The following DSPP variants were observed in gnomAD, a reference collection of about 807,000 sequenced individuals.
DSPP encodes the protein dentin sialophosphoprotein, also known as deafness, autosomal dominant 39.
Under a neutral mutation model 29.1 loss-of-function variants are expected in DSPP, and 28 were observed. The ratio of observed to expected loss-of-function variants is 0.96; its 90% CI spans 0.71 to 1.32. DSPP has a LOEUF of 1.32. Among genes scored for constraint, DSPP ranks in the 40% most tolerant of loss-of-function variants. The probability of loss-of-function intolerance (pLI) is 0.00; values close to 1 mark genes in which losing one functional copy is unlikely to be tolerated. For missense variants in DSPP, 1,281 were observed against 1,629.9 expected (o/e 0.79, Z 3.69); for synonymous variants, 481 against 503.4 (o/e 0.96, Z 0.60).
chr4:87,611,030 A>AGT lies in DSPP; in HGVS notation c.51+103_51+104dup, dbSNP rs33940466. Reference sequence around the variant, plus strand: ...TTAACCTAACATTAATACAAAATGTAGTGTGTGTGTGTGTGTGTGTGTGTG... The same window carrying AGT: ...TTAACCTAACATTAATACAAAATGTAGTGTGTGTGTGTGTGTGTGTGTGTGTG... On this transcript the variant is annotated intron_variant, in intron 2 of 4. Transcript: ENST00000651931. 141,584 of 797,612 alleles carry AGT rather than the reference A, an allele frequency of 0.18. 2,661 individuals carry two copies. The highest frequency in any genetic ancestry group is 0.2 in the Middle Eastern group (745 of 3,810). The allele number at this position is 797,612 out of a possible 1,614,324, so 49.4% of individuals were successfully genotyped here.
In DSPP at chr4:87,616,181, T is replaced by A. The variant is rs372115078; in HGVS notation, c.3519T>A (p.Asp1173Glu). Residue 1173 changes from aspartate to glutamate, a missense_variant, in exon 5 of 5, where the codon GAT (aspartate) becomes GAA (glutamate). Around this residue, in one of 4 missense-constraint regions of DSPP, gnomAD observed 134 missense variants for 185.0 expected, o/e 0.72. Transcript: ENST00000651931. ...GCAGCGACAGCAGCGACAGCAGCGATAGCAGTGACAGCAGCAATAGCAGTG... is the reference window on the plus strand; with the variant it reads ...GCAGCGACAGCAGCGACAGCAGCGAAAGCAGTGACAGCAGCAATAGCAGTG... The part of the protein sequence containing the change: ...SDSSDSSDSS[D>E]SSDSSNSSDS... 2.7e-6 allele frequency: 4 copies of A among 1,478,252 alleles called. No individual in the cohort carries two copies. 91.6% of individuals were successfully genotyped at this position (1,478,252 alleles called of 1,614,324 possible).
At position 87,612,760 on chromosome 4, in the gene DSPP, A is replaced by C. The variant is rs754689760; in HGVS notation, c.574A>C (p.Ser192Arg). ...DGPQVAGSNN[S>R]TDNEDEIIEN... ...ACCTCAAGTAGCTGGAAGCAATAAC[A>C]GTACAGACAATGAGGATGAAATAAT... The change falls in exon 4 of 5, where the codon AGT (serine) becomes CGT (arginine). Residue 192 changes from serine (S) to arginine (R), a missense_variant. By Grantham distance (110) the Ser-to-Arg change is moderately radical. Transcript: ENST00000651931. 1 of 1,614,202 alleles carries C rather than the reference A, an allele frequency of 6.2e-7. No homozygotes were observed. Among genetic ancestry groups the C allele is most frequent in the Non-Finnish European group, 8.5e-7 (1 of 1,180,016 alleles).
rs36228864 is a variant in DSPP, at chr4:87,612,011, TTGTG to T, written c.52-67_52-64del. ...TTCTTCTTCATGGAGGGAAGAATAT[TTGTG>T]TGTGTGTGTGTGTGTGTGTGTGTGT... On this transcript the variant is annotated intron_variant, in intron 2 of 4. Transcript: ENST00000651931. The T allele has an allele frequency of 0.02, 20,801 of 1,065,454 alleles. 294 individuals carry two copies. The highest frequency in any genetic ancestry group is 0.097 in the African/African-American group (6,012 of 61,728). 66.0% of individuals were successfully genotyped at this position (1,065,454 alleles called of 1,614,324 possible). A position where few individuals can be genotyped will look rare whatever the true frequency, so the allele number is the denominator to read the frequency against.
intron 1 of DSPP, 38 bp from the exon 2 acceptor site, chr4:87,610,843 C>G (rs1276529808): frequency 1.4e-6 from 2 of 1,394,652 alleles, no homozygotes; most frequent in Non-Finnish European, 2.0e-6. Flanking sequence ...TTTCCCTTTA[C>G]TTTATAAGTA....
In DSPP at chr4:87,613,136, T is replaced by A. The variant is rs770374924; in HGVS notation, c.950T>A (p.Val317Asp). ...PEGKEDPHNE[V>D]DGDKTSKSEE... ...GGCAAAGAAGATCCCCATAATGAAG[T>A]TGATGGAGACAAGACCTCCAAGAGT... Residue 317 changes from valine (V) to aspartate (D), a missense_variant, in exon 4 of 5, where the codon GTT becomes GAT. Coordinates refer to ENST00000651931, the MANE Select transcript of DSPP (RefSeq NM_014208.3). 2.6e-5 allele frequency: 42 copies of A among 1,613,996 alleles called. No individual in the cohort carries two copies. The highest frequency in any genetic ancestry group is 3.5e-5 in the Non-Finnish European group (41 of 1,180,042).
In DSPP at chr4:87,612,752, G is replaced by A; in HGVS notation, c.566G>A (p.Ser189Asn). The A allele has an allele frequency of 1.9e-6, 3 of 1,614,192 alleles. No individual in the cohort carries two copies. The highest frequency in any genetic ancestry group is 2.5e-6 in the Non-Finnish European group (3 of 1,180,024). ...GAAGATGGACCTCAAGTAGCTGGAA[G>A]CAATAACAGTACAGACAATGAGGAT... is the stretch of plus-strand genomic sequence containing the variant. ...VQEDGPQVAG[S>N]NNSTDNEDEI... Residue 189 changes from serine (S) to asparagine (N), a missense_variant, in exon 4 of 5, where the codon AGC becomes AAC. Physicochemically the swap from Ser to Asn is conservative, Grantham distance 46. Transcript: ENST00000651931.
chr4:87,612,406 G>A lies in DSPP; in HGVS notation c.220G>A (p.Asp74Asn). The A allele has an allele frequency of 6.2e-7, 1 of 1,614,084 alleles. No individual in the cohort carries two copies. Among genetic ancestry groups the A allele is most frequent in the Non-Finnish European group, 8.5e-7 (1 of 1,179,980 alleles). The change falls in exon 4 of 5, where the codon GAT (aspartate) becomes AAT (asparagine). Residue 74 changes from aspartate to asparagine, a missense_variant. Coordinates refer to ENST00000651931, the MANE Select transcript of DSPP (RefSeq NM_014208.3). ...GDRGRQENTQ[D>N]GHKGEGNGSK... Reference sequence around the variant, plus strand: ...TAGAGGAAGGCAAGAGAATACCCAAGATGGTCACAAGGGAGAAGGGAATGG... The same window carrying A: ...TAGAGGAAGGCAAGAGAATACCCAAAATGGTCACAAGGGAGAAGGGAATGG...
chr4:87,609,744 T>C (rs981807876), intron 1 of DSPP, among the ~76,000 whole-genome samples: 6 of 152,242 alleles, frequency 3.9e-5, no homozygotes, highest in African/African-American at 1.4e-4. Flanking sequence ...TGCAGCATTA[T>C]AATCTATACA....
In DSPP at chr4:87,615,305, T is replaced by TAGAAGTGAC. The variant is rs141186173; in HGVS notation, c.2645_2646insAAGTGACAG (p.Asp881_Ser882insArgSerAsp). 6.5e-7 allele frequency: 1 copy of TAGAAGTGAC among 1,541,194 alleles called. No individual in the cohort carries two copies. The highest frequency in any genetic ancestry group is 1.4e-5 in the African/African-American group (1 of 71,340). On this transcript the variant is annotated inframe_insertion, in exon 5 of 5. Transcript: ENST00000651931. ...GCAGCAACAGCAGTGACAGCAGTGA[T>TAGAAGTGAC]AGCAGTGACAGCAACGAAAGCAGCA...
At position 87,614,040 on chromosome 4, in the gene DSPP, A is replaced by G; in HGVS notation, c.1378A>G (p.Met460Val). The change falls in exon 5 of 5, where the codon ATG becomes GTG. Residue 460 changes from methionine to valine, a missense_variant. Met to Val is a conservative substitution (Grantham distance 21). Transcript: ENST00000651931. Reference protein sequence around the residue: ...YDSYDFDDKSMQGDDPNSSDE... With the variant: ...YDSYDFDDKSVQGDDPNSSDE... Reference sequence around the variant, plus strand: ...CAGTTATGATTTTGATGATAAGTCCATGCAAGGAGATGATCCCAATAGCAG... The same window carrying G: ...CAGTTATGATTTTGATGATAAGTCCGTGCAAGGAGATGATCCCAATAGCAG... 1.2e-6 allele frequency: 2 copies of G among 1,614,268 alleles called. No individual in the cohort carries two copies. The highest frequency in any genetic ancestry group is 1.7e-6 in the Non-Finnish European group (2 of 1,180,052).
chr4:87,611,065 A>ATGTG, intron 2 of DSPP, 106 bp downstream of exon 2: 2 of 615,400 alleles, frequency 3.2e-6, no homozygotes, highest in East Asian at 3.2e-5. Context: ...GTGTGTGTGC[A>ATGTG]TGTACATGTG....
chr4:87,611,189 C>T, intron 2 of DSPP, among the ~76,000 whole-genome samples: 1 of 151,920 alleles, frequency 6.6e-6, no homozygotes, highest in Non-Finnish European at 1.5e-5. Context: ...TTCAACAAAA[C>T]CACTCCAATT....
rs1307937197 is a variant in DSPP at position 87,612,880 on chromosome 4, G to A, written c.694G>A (p.Gly232Ser). The A allele has an allele frequency of 1.5e-5, 25 of 1,614,080 alleles. No homozygotes were observed. The highest frequency in any genetic ancestry group is 2.0e-5 in the Non-Finnish European group (24 of 1,180,036). The stretch of plus-strand genomic sequence containing the variant: ...GACTAAGGAAGCTGAGGTAACACCA[G>A]GCACTGGAGAAGATGCTGGCCTGGA... ...NGTKEAEVTPGTGEDAGLDNS... is the reference protein window; with the variant it reads ...NGTKEAEVTPSTGEDAGLDNS... The change falls in exon 4 of 5, where the codon GGC (glycine) becomes AGC (serine). Residue 232 changes from glycine (G) to serine (S), a missense_variant. Around this residue, in one of 4 missense-constraint regions of DSPP, gnomAD observed 631 missense variants for 643.2 expected, o/e 0.98. Coordinates refer to ENST00000651931, the MANE Select transcript of DSPP (RefSeq NM_014208.3).
chr4:87,612,313 C>A lies in DSPP; in HGVS notation c.136-9C>A. 6.2e-7 allele frequency: 1 copy of A among 1,613,716 alleles called. No individual in the cohort carries two copies. The highest frequency in any genetic ancestry group is 8.5e-7 in the Non-Finnish European group (1 of 1,179,854). ...ATACTTATAATTGATTGAATTGTTT[C>A]TTTTTCAGGATGAGTTAAATGCCAG... On this transcript the variant is annotated splice_polypyrimidine_tract_variant and intron_variant, in intron 3 of 4. Coordinates refer to ENST00000651931, the MANE Select transcript of DSPP (RefSeq NM_014208.3).
chr4:87,608,699 T>G (rs1260008594), intron 1 of DSPP, 79 bp downstream of exon 1: 1 of 152,192 alleles, frequency 6.6e-6, no homozygotes, highest in Non-Finnish European at 1.5e-5. Context: ...TGAAGCCAGT[T>G]TGATTTTAAG....
In DSPP at chr4:87,615,790, GTGA is replaced by G. The variant is rs781763679; in HGVS notation, c.3129_3131del (p.Asp1044del). 1.1e-5 allele frequency: 17 copies of G among 1,535,862 alleles called. No homozygotes were observed. In the South Asian group the frequency reaches 2.0e-4, roughly 18 times the overall value. The stretch of plus-strand genomic sequence containing the variant: ...GATAGCAGTGACAGCAGCGATAGCA[GTGA>G]CAGCAGCGATAGCAGTGACAGCAGT... On this transcript the variant is annotated inframe_deletion, in exon 5 of 5. Transcript: ENST00000651931.
chr4:87,615,335 C>A lies in DSPP; in HGVS notation c.2673C>A (p.Ser891Arg), dbSNP rs767834416. The change falls in exon 5 of 5, where the codon AGC (serine) becomes AGA (arginine). Residue 891 changes from serine to arginine, a missense_variant. Ser to Arg is a moderately radical substitution (Grantham distance 110). Coordinates refer to ENST00000651931, the MANE Select transcript of DSPP (RefSeq NM_014208.3). ...GTGACAGCAACGAAAGCAGCAATAG[C>A]AGTGACAGCAGTGATAGCAGCAACA... ...DSSDSNESSN[S>R]SDSSDSSNSS... 1 of 1,514,636 alleles carries A rather than the reference C, an allele frequency of 6.6e-7. No individual in the cohort carries two copies. The highest frequency in any genetic ancestry group is 8.9e-7 in the Non-Finnish European group (1 of 1,125,910). 93.8% of individuals were successfully genotyped at this position (1,514,636 alleles called of 1,614,324 possible).
Position 87,613,990 on chromosome 4 carries a change from G to A in DSPP, c.1328G>A (p.Ser443Asn). ...GNKVGHSNTG[S>N]DSNSDGYDSY... is the part of the protein sequence containing the mutation. ...AAAGTTGGACACAGCAATACAGGTA[G>A]TGACAGCAATAGTGATGGATATGAC... is the stretch of plus-strand genomic sequence containing the variant. The change falls in exon 5 of 5, where the codon AGT becomes AAT. Residue 443 changes from serine (S) to asparagine (N), a missense_variant. By Grantham distance (46) the Ser-to-Asn change is conservative. Transcript: ENST00000651931. The A allele has an allele frequency of 6.2e-7, 1 of 1,614,232 alleles. No individual in the cohort carries two copies. Among genetic ancestry groups the A allele is most frequent in the Non-Finnish European group, 8.5e-7 (1 of 1,180,042 alleles).
In DSPP at chr4:87,611,534, T is replaced by G. The variant is rs550507335; in HGVS notation, c.52-571T>G. Among the ~76,000 whole-genome samples, 6 of 152,356 alleles carry G rather than the reference T, an allele frequency of 3.9e-5. No individual in the cohort carries two copies. In the South Asian group the frequency reaches 8.3e-4, roughly 21 times the overall value. ...GAGAAAATTCAACCATTTATAATTT[T>G]ACTAGCCAGCCATCATGTTTAACAT... On this transcript the variant is annotated intron_variant, in intron 2 of 4. Coordinates refer to ENST00000651931, the MANE Select transcript of DSPP (RefSeq NM_014208.3).
Sources: gnomAD v4.1 joint callset for allele counts (sites outside exome capture counted in the v4.1 genomes callset) on GRCh38, gnomAD v4.1.1 for gene constraint, gnomAD v4.1.1 regional missense constraint, MANE v1.5 for transcripts, NCBI Gene and HGNC (gene_info 2026-07-23, HGNC 2026-07-21) for gene names.